DIAPH3: variants seen among roughly 807,000 people sequenced by gnomAD.
The protein encoded by DIAPH3 is diaphanous related formin 3.
Under a neutral mutation model 144.3 loss-of-function variants are expected in DIAPH3, and 117 were observed. The ratio of observed to expected loss-of-function variants is 0.81; its 90% CI spans 0.70 to 0.95. The LOEUF (loss-of-function observed/expected upper bound fraction) is 0.95. Among genes scored for constraint, DIAPH3 ranks in the 40% least tolerant of loss-of-function variants. The probability of loss-of-function intolerance (pLI) is 0.00; values close to 1 mark genes in which losing one functional copy is unlikely to be tolerated. For missense variants in DIAPH3, 1,421 were observed against 1,412.7 expected (o/e 1.01, Z -0.09); for synonymous variants, 519 against 488.9 (o/e 1.06, Z -0.81).
At chr13:60,154,435 A>G (rs1427300571) in intron 1 of DIAPH3, among the ~76,000 whole-genome samples, 1 of 152,202 alleles carries the variant, frequency 6.6e-6, no homozygotes, top group Non-Finnish European at 1.5e-5. Context: ...GTCACTGCTC[A>G]TAAATGTTAC....
In DIAPH3 at chr13:60,163,684, C is replaced by T. The variant is rs201623577; in HGVS notation, c.83G>A (p.Arg28His). 5.0e-4 allele frequency: 804 copies of T among 1,607,600 alleles called. 3 individuals are homozygous for T. Among genetic ancestry groups the T allele is most frequent in the Non-Finnish European group, 5.1e-4 (603 of 1,175,568 alleles). Reference sequence around the variant, plus strand: ...CGGCATCTTGCTTTCCCGGCAGCCGCGGAGAGAGGCTGAGGAAGGGTAGGG... The same window carrying T: ...CGGCATCTTGCTTTCCCGGCAGCCGTGGAGAGAGGCTGAGGAAGGGTAGGG... ...GTPYPSSASL[R>H]GCRESKMPRR... The change falls in exon 1 of 28, where the codon CGC becomes CAC. Residue 28 changes from arginine (R) to histidine (H), a missense_variant. Physicochemically the swap from Arg to His is conservative, Grantham distance 29. Transcript: ENST00000400324.
intron 22 of DIAPH3, among the ~76,000 whole-genome samples, chr13:59,841,714 G>A (rs952167574): frequency 1.3e-5 from 2 of 152,184 alleles, no homozygotes; most frequent in Admixed American, 1.3e-4. Context: ...TGTTATATTA[G>A]TAGCAGTGAC....
intron 25 of DIAPH3, among the ~76,000 whole-genome samples, chr13:59,782,939 C>A (rs574201029): frequency 1.3e-5 from 2 of 151,972 alleles, no homozygotes; most frequent in African/African-American, 2.4e-5. Context: ...GGTAACGCTG[C>A]GAGGTGAAGG....
intron 3 of DIAPH3, among the ~76,000 whole-genome samples, chr13:60,096,611 C>A (rs559854935): frequency 6.6e-6 from 1 of 152,142 alleles, no homozygotes; most frequent in African/African-American, 2.4e-5. Context: ...AAGGACGATC[C>A]GCCCTCAGTA....
chr13:60,098,869 T>C (rs974141381), intron 3 of DIAPH3, among the ~76,000 whole-genome samples: 3 of 152,148 alleles, frequency 2.0e-5, no homozygotes, highest in Non-Finnish European at 2.9e-5. Flanking sequence ...GGTAAAATAC[T>C]GAACAGGAAA....
At chr13:59,686,275 G>A (rs2033205190) in intron 27 of DIAPH3, among the ~76,000 whole-genome samples, 1 of 152,022 alleles carries the variant, frequency 6.6e-6, no homozygotes, top group African/African-American at 2.4e-5. Flanking sequence ...CAGATAATAT[G>A]ATTACAGGCT....
chr13:59,735,887 C>T (rs898139440), intron 27 of DIAPH3, among the ~76,000 whole-genome samples: 3 of 152,100 alleles, frequency 2.0e-5, no homozygotes, highest in Non-Finnish European at 4.4e-5. Context: ...TATTTCATCA[C>T]TCAGGCATTA....
intron 4 of DIAPH3, among the ~76,000 whole-genome samples, chr13:60,050,789 C>G (rs1392851048): frequency 1.2e-5 from 1 of 80,920 alleles, no homozygotes; most frequent in African/African-American, 5.3e-5. Flanking sequence ...AAGGATTTTT[C>G]TATCTACTGT....
chr13:59,760,765 A>G (rs888936070), intron 27 of DIAPH3, among the ~76,000 whole-genome samples: 1 of 152,204 alleles, frequency 6.6e-6, no homozygotes, highest in African/African-American at 2.4e-5. Flanking sequence ...ACAGTAATAT[A>G]TGAGGTAAAT....
chr13:59,925,232 C>T (rs963259488), intron 17 of DIAPH3, among the ~76,000 whole-genome samples: 11 of 152,122 alleles, frequency 7.2e-5, no homozygotes, highest in African/African-American at 2.7e-4. Context: ...ACTCAAGTTG[C>T]AAGTATATTA....
intron 17 of DIAPH3, among the ~76,000 whole-genome samples, chr13:59,965,837 C>A (rs772643273): frequency 6.6e-6 from 1 of 151,970 alleles, no homozygotes; most frequent in Non-Finnish European, 1.5e-5. Flanking sequence ...ATGCTGGTAT[C>A]CCCAATGTCA....
At chr13:60,040,131 G>A (rs1032700630) in intron 5 of DIAPH3, among the ~76,000 whole-genome samples, 2 of 147,338 alleles carry the variant, frequency 1.4e-5, no homozygotes, top group African/African-American at 5.0e-5. Flanking sequence ...GGAGGCTGAG[G>A]CAGGAGAATC....
chr13:59,790,071 G>A (rs1261763545), intron 25 of DIAPH3, among the ~76,000 whole-genome samples: 1 of 152,178 alleles, frequency 6.6e-6, no homozygotes, highest in African/African-American at 2.4e-5. Context: ...AGGACTACGT[G>A]TCAGGCACTG....
At chr13:59,770,946 A>G (rs416170) in intron 27 of DIAPH3, among the ~76,000 whole-genome samples, 50,171 of 152,068 alleles carry the variant, frequency 0.33, 8,614 homozygotes, top group African/African-American at 0.4. Context: ...AAAGCAAAAG[A>G]TAACAGGTAC....
At chr13:59,835,121 A>G (rs1488117396) in intron 23 of DIAPH3, among the ~76,000 whole-genome samples, 1 of 151,738 alleles carries the variant, frequency 6.6e-6, no homozygotes, top group African/African-American at 2.4e-5. Context: ...CCATTAACAT[A>G]CTTTATAAGG....
intron 1 of DIAPH3, among the ~76,000 whole-genome samples, chr13:60,143,323 A>G (rs1951360357): frequency 6.6e-6 from 1 of 152,174 alleles, no homozygotes; most frequent in African/African-American, 2.4e-5. Flanking sequence ...CGGCTCTGGG[A>G]TAAGACTCAC....
intron 14 of DIAPH3, among the ~76,000 whole-genome samples, chr13:59,978,763 AAAAAGAGTT>A (rs1566602697): frequency 6.6e-6 from 1 of 151,712 alleles, no homozygotes; most frequent in Non-Finnish European, 1.5e-5. Flanking sequence ...AGCCTTCTCC[AAAAAGAGTT>A]ACTAGAGCGA....
chr13:60,104,595 C>CACACACAT (rs61265383), intron 3 of DIAPH3, among the ~76,000 whole-genome samples: 2 of 150,604 alleles, frequency 1.3e-5, no homozygotes, highest in African/African-American at 4.9e-5. Context: ...CACACACACA[C>CACACACAT]GATGAGAAAA....
In DIAPH3 at chr13:60,163,782, CG is replaced by C; in HGVS notation, c.-17del. ...GCCGTTCCATCTTTCCCCGCAGCTC[CG>C]GGGACCGGAAAGAAGGTGGCCACTC... On this transcript the variant is annotated 5_prime_UTR_variant, in exon 1 of 28. Coordinates refer to ENST00000400324, the MANE Select transcript of DIAPH3 (RefSeq NM_001042517.2). 1.3e-6 allele frequency: 2 copies of C among 1,556,884 alleles called. No individual in the cohort carries two copies.
Sources: allele counts gnomAD v4.1 joint callset (sites outside exome capture counted in the v4.1 genomes callset), GRCh38; gene constraint gnomAD v4.1.1; transcripts MANE v1.5; gene names NCBI Gene and HGNC (gene_info 2026-07-23, HGNC 2026-07-21).